FCHSD2: variants seen among roughly 807,000 people sequenced by gnomAD.
FCHSD2 encodes the protein FCH and double SH3 domains 2, also known as F-BAR and double SH3 domains protein 2.
A neutral mutation model predicts 108.1 loss-of-function variants in FCHSD2; 38 were observed. The observed-to-expected ratio is 0.35, with a 90% CI of 0.27 to 0.46. The LOEUF is 0.46. FCHSD2 is among the 20% of genes least tolerant of loss of function. The probability of loss-of-function intolerance (pLI) is 1.00; values close to 1 mark genes in which losing one functional copy is unlikely to be tolerated. For missense variants in FCHSD2, 751 were observed against 897.8 expected (o/e 0.84, Z 2.09); for synonymous variants, 279 against 314.7 (o/e 0.89, Z 1.20).
chr11:72,930,377 A>C (rs1402506700), intron 8 of FCHSD2, among the ~76,000 whole-genome samples: 1 of 152,186 alleles, frequency 6.6e-6, no homozygotes, highest in Non-Finnish European at 1.5e-5. Context: ...AGATCACCCA[A>C]TCTGTCCCAA....
intron 8 of FCHSD2, among the ~76,000 whole-genome samples, chr11:72,931,738 C>A (rs1295329998): frequency 6.6e-6 from 1 of 152,126 alleles, no homozygotes; most frequent in Non-Finnish European, 1.5e-5. Flanking sequence ...GCATTCTAGT[C>A]TGGGTGACAG....
At chr11:73,046,142 C>T (rs1565383554) in intron 3 of FCHSD2, among the ~76,000 whole-genome samples, 1 of 151,950 alleles carries the variant, frequency 6.6e-6, no homozygotes. Flanking sequence ...AGACACACAC[C>T]ATGATGCCAT....
chr11:73,028,838 T>A (rs1858291335), intron 3 of FCHSD2, among the ~76,000 whole-genome samples: 1 of 152,118 alleles, frequency 6.6e-6, no homozygotes, highest in African/African-American at 2.4e-5. Context: ...ACTTCCCCTT[T>A]CGTTCTCTCC....
At chr11:73,006,463 C>T (rs907527323) in intron 4 of FCHSD2, among the ~76,000 whole-genome samples, 4 of 152,180 alleles carry the variant, frequency 2.6e-5, no homozygotes, top group Middle Eastern at 3.2e-3. Flanking sequence ...ATATCTGCTC[C>T]ATCAAGAAAT....
chr11:72,928,535 G>T (rs1451822092), intron 8 of FCHSD2, among the ~76,000 whole-genome samples: 1 of 152,110 alleles, frequency 6.6e-6, no homozygotes, highest in Non-Finnish European at 1.5e-5. Context: ...GGTTAACACA[G>T]GCAACTGACA....
At chr11:72,905,282 T>C (rs556219303) in intron 9 of FCHSD2, among the ~76,000 whole-genome samples, 3 of 152,174 alleles carry the variant, frequency 2.0e-5, no homozygotes, top group Non-Finnish European at 2.9e-5. Flanking sequence ...GTTTTAACTT[T>C]TAATCTCTGT....
intron 10 of FCHSD2, among the ~76,000 whole-genome samples, chr11:72,900,487 T>G (rs1855505512): frequency 6.6e-6 from 1 of 152,200 alleles, no homozygotes; most frequent in Non-Finnish European, 1.5e-5. Context: ...AGAGTCACTG[T>G]TATTCTGATT....
Position 73,017,817 on chromosome 11 carries a change from C to T in FCHSD2, c.166-1932G>A, listed in dbSNP as rs375435105. On this transcript the variant is annotated intron_variant, in intron 3 of 19. Coordinates refer to ENST00000409418, the MANE Select transcript of FCHSD2 (RefSeq NM_014824.3). ...TTAATCTGATACTTAAATTTCCTAA[C>T]GTAAACAATCACAAATATATATAGG... Among the ~76,000 whole-genome samples the T allele has an allele frequency of 1.2e-4, 18 of 152,224 alleles. No individual in the cohort carries two copies. The East Asian group carries it at 2.7e-3, about 23-fold the overall frequency.
At chr11:73,082,602 A>T (rs533505105) in intron 3 of FCHSD2, among the ~76,000 whole-genome samples, 1 of 152,222 alleles carries the variant, frequency 6.6e-6, no homozygotes, top group South Asian at 2.1e-4. Context: ...AAAGCCTAAA[A>T]GAGTCATGCC....
At chr11:72,849,699 T>C (rs1199748547) in intron 14 of FCHSD2, 56 bp downstream of exon 14, 1 of 1,325,148 alleles carries the variant, frequency 7.5e-7, no homozygotes, top group Non-Finnish European at 1.1e-6. Flanking sequence ...GATACAGTCA[T>C]GTGTATCTTC....
intron 3 of FCHSD2, among the ~76,000 whole-genome samples, chr11:73,052,804 A>G (rs547251944): frequency 6.6e-6 from 1 of 152,316 alleles, no homozygotes; most frequent in African/African-American, 2.4e-5. Flanking sequence ...TAATAGCATG[A>G]AAAGATCAGT....
intron 8 of FCHSD2, among the ~76,000 whole-genome samples, chr11:72,947,492 C>A (rs546404971): frequency 9.2e-5 from 14 of 152,308 alleles, no homozygotes; most frequent in African/African-American, 3.1e-4. Context: ...TAGGAATTGA[C>A]CACAAGATCT....
At chr11:72,920,690 A>G (rs767510855) in intron 9 of FCHSD2, among the ~76,000 whole-genome samples, 10 of 152,232 alleles carry the variant, frequency 6.6e-5, no homozygotes, top group Non-Finnish European at 1.3e-4. Flanking sequence ...TTTCTGAAAA[A>G]TTCAAATATA....
chr11:72,983,014 GC>G (rs1042878262), intron 8 of FCHSD2, among the ~76,000 whole-genome samples: 78 of 152,246 alleles, frequency 5.1e-4, no homozygotes, highest in African/African-American at 1.9e-3. Context: ...AAAGAAAGGG[GC>G]CGGGCGCGGT....
chr11:72,903,971 G>A (rs542098553), intron 9 of FCHSD2, among the ~76,000 whole-genome samples: 1 of 152,278 alleles, frequency 6.6e-6, no homozygotes, highest in East Asian at 1.9e-4. Context: ...ATATATAGAT[G>A]AATAAGACAA....
In FCHSD2 at chr11:72,902,476, G is replaced by A. The variant is rs1349893004; in HGVS notation, c.924+67C>T. On this transcript the variant is annotated intron_variant, in intron 10 of 19. Coordinates refer to ENST00000409418, the MANE Select transcript of FCHSD2 (RefSeq NM_014824.3). Reference sequence around the variant, plus strand: ...GCTTTTTCTGTCTGTCTATGCCAAGGGTAACTGTTACTTAAGCACAAACAC... The same window carrying A: ...GCTTTTTCTGTCTGTCTATGCCAAGAGTAACTGTTACTTAAGCACAAACAC... The A allele has an allele frequency of 5.8e-6, 6 of 1,040,686 alleles. No individual in the cohort carries two copies. The Middle Eastern group carries it at 8.1e-4, about 140-fold the overall frequency. The allele number at this position is 1,040,686 out of a possible 1,614,324, so 64.5% of individuals were successfully genotyped here.
At chr11:72,882,941 A>C (rs1291382868) in intron 12 of FCHSD2, among the ~76,000 whole-genome samples, 6 of 152,240 alleles carry the variant, frequency 3.9e-5, no homozygotes, top group Admixed American at 3.9e-4. Flanking sequence ...TGTCATTAAG[A>C]CTGTGATACT....
intron 3 of FCHSD2, among the ~76,000 whole-genome samples, chr11:73,026,379 A>G (rs1858229495): frequency 6.6e-6 from 1 of 152,224 alleles, no homozygotes; most frequent in Non-Finnish European, 1.5e-5. Flanking sequence ...TGCCACTGGG[A>G]GCAAAATGAC....
chr11:72,999,600 G>A (rs1229081760), intron 5 of FCHSD2, among the ~76,000 whole-genome samples: 2 of 151,978 alleles, frequency 1.3e-5, no homozygotes, highest in Admixed American at 6.6e-5. Context: ...GATTACAGGC[G>A]TGAGCCACCA....
Sources: allele counts gnomAD v4.1 joint callset (sites outside exome capture counted in the v4.1 genomes callset), GRCh38; gene constraint gnomAD v4.1.1; transcripts MANE v1.5; gene names NCBI Gene and HGNC (gene_info 2026-07-23, HGNC 2026-07-21).